CTNNBL1: variants seen among roughly 807,000 people sequenced by gnomAD.
The protein encoded by CTNNBL1 is catenin beta like 1.
Under a neutral mutation model 72.7 loss-of-function variants are expected in CTNNBL1, and 31 were observed. The ratio of observed to expected loss-of-function variants is 0.43; its 90% confidence interval spans 0.32 to 0.58. CTNNBL1 has a LOEUF of 0.58. Ranked by LOEUF, CTNNBL1 falls within the 20% of genes least tolerant of loss-of-function variation. The pLI is 0.08. For missense variants in CTNNBL1, 534 were observed against 725.1 expected (o/e 0.74, Z 3.03); for synonymous variants, 240 against 267.3 (o/e 0.90, Z 1.00).
chr20:37,817,835 G>A (rs2072073420), intron 11 of CTNNBL1, among the ~76,000 whole-genome samples: 1 of 152,236 alleles, frequency 6.6e-6, no homozygotes, highest in Non-Finnish European at 1.5e-5. Flanking sequence ...GTGGCATGTA[G>A]TAGATGCTTA....
chr20:37,720,205 T>C (rs2073028003), intron 1 of CTNNBL1, among the ~76,000 whole-genome samples: 1 of 152,058 alleles, frequency 6.6e-6, no homozygotes, highest in African/African-American at 2.4e-5. Context: ...TTTTTTTGTA[T>C]TTTTAGTAGA....
chr20:37,760,526 T>G (rs2073407161), intron 5 of CTNNBL1, among the ~76,000 whole-genome samples: 1 of 152,252 alleles, frequency 6.6e-6, no homozygotes, highest in Non-Finnish European at 1.5e-5. Context: ...GTTTATAAGT[T>G]TGTCCTTCCT....
intron 13 of CTNNBL1, among the ~76,000 whole-genome samples, chr20:37,852,743 G>A (rs757347827): frequency 6.6e-6 from 1 of 152,112 alleles, no homozygotes; most frequent in Non-Finnish European, 1.5e-5. Context: ...GCTTCGCCTC[G>A]GCTTCACGAC....
chr20:37,826,362 C>T (rs1415792999), intron 11 of CTNNBL1, among the ~76,000 whole-genome samples: 1 of 152,206 alleles, frequency 6.6e-6, no homozygotes, highest in African/African-American at 2.4e-5. Flanking sequence ...TAACCAAAGG[C>T]AACAGCTATC....
At chr20:37,725,974 G>A (rs2073080930) in intron 1 of CTNNBL1, among the ~76,000 whole-genome samples, 1 of 151,964 alleles carries the variant, frequency 6.6e-6, no homozygotes, top group Admixed American at 6.6e-5. Flanking sequence ...ACAGAGTGAG[G>A]CTCCGTCTCA....
intron 11 of CTNNBL1, among the ~76,000 whole-genome samples, chr20:37,813,380 G>A (rs932348128): frequency 6.6e-6 from 1 of 152,224 alleles, no homozygotes; most frequent in Non-Finnish European, 1.5e-5. Context: ...AGCCATTGCT[G>A]TTAGGCTAGT....
At chr20:37,871,802 T>TG in intron 15 of CTNNBL1, 123 bp from the exon 16 acceptor site, 1 of 773,252 alleles carries the variant, frequency 1.3e-6, no homozygotes, top group Non-Finnish European at 2.2e-6. Flanking sequence ...TTGGCTACAG[T>TG]GGGGGCATTA....
chr20:37,779,359 T>G (rs1455244635), intron 10 of CTNNBL1, 24 bp downstream of exon 10: 19 of 1,607,426 alleles, frequency 1.2e-5, no homozygotes, highest in Non-Finnish European at 1.6e-5. Flanking sequence ...GCCCTAGTTC[T>G]CCCACCTTTT....
intron 5 of CTNNBL1, among the ~76,000 whole-genome samples, chr20:37,762,290 C>T (rs1236363727): frequency 6.6e-6 from 1 of 152,158 alleles, no homozygotes; most frequent in Non-Finnish European, 1.5e-5. Context: ...CCTGAAACTC[C>T]TAGTAGGCAG....
intron 10 of CTNNBL1, among the ~76,000 whole-genome samples, chr20:37,793,350 C>T (rs1168485719): frequency 2.6e-5 from 4 of 152,084 alleles, no homozygotes; most frequent in East Asian, 1.9e-4. Context: ...TTTGTTTAAT[C>T]GACCCTTTTA....
At chr20:37,860,067 C>T (rs945058231) in intron 14 of CTNNBL1, 31 bp downstream of exon 14, 3 of 1,609,262 alleles carry the variant, frequency 1.9e-6, no homozygotes, top group Non-Finnish European at 2.5e-6. Flanking sequence ...ATGGGCTTAT[C>T]CATCCCTGCC....
rs570524012 is a variant in CTNNBL1 at position 37,839,982 on chromosome 20, AATAGCAGC to A, written c.1214-118_1214-111del. 1.7e-3 allele frequency: 1,099 copies of A among 652,402 alleles called. 2 individuals carry two copies. The highest frequency in any genetic ancestry group is 2.4e-3 in the Non-Finnish European group (899 of 371,140). 40.4% of individuals were successfully genotyped at this position (652,402 alleles called of 1,614,324 possible). A position where few individuals can be genotyped will look rare whatever the true frequency, so the allele number is the denominator to read the frequency against. On this transcript the variant is annotated intron_variant, in intron 11 of 15. Coordinates refer to ENST00000361383, the MANE Select transcript of CTNNBL1 (RefSeq NM_030877.5). ...AATTTAGGTTCTTGTCTTATTAATC[AATAGCAGC>A]AGTCAGAAAGGCCTACTTATTCTGC...
Position 37,732,947 on chromosome 20 carries a change from T to C in CTNNBL1, c.99T>C (p.Thr33=). The C allele has an allele frequency of 3.1e-6, 5 of 1,613,972 alleles. No homozygotes were observed. Among genetic ancestry groups the C allele is most frequent in the Non-Finnish European group, 4.2e-6 (5 of 1,180,016 alleles). Residue 33 remains threonine (T), a synonymous_variant, in exon 2 of 16, where the codon ACT becomes ACC. Transcript: ENST00000361383. ...AGCAGAAGATGCGTCGGAAACAAACTGGTACTCGAGAACGCGGCCGCTATC... is the reference window on the plus strand; with the variant it reads ...AGCAGAAGATGCGTCGGAAACAAACCGGTACTCGAGAACGCGGCCGCTATC... ...EEEQKMRRKQ[T]GTRERGRYRE...
chr20:37,748,533 T>C (rs1020689545), intron 4 of CTNNBL1, among the ~76,000 whole-genome samples: 1 of 152,198 alleles, frequency 6.6e-6, no homozygotes. Flanking sequence ...GCTGTGCTGG[T>C]TGCTCAAGCA....
chr20:37,860,159 A>T lies in CTNNBL1; in HGVS notation c.1531-113A>T, dbSNP rs2072479491. On this transcript the variant is annotated intron_variant, in intron 14 of 15. Coordinates refer to ENST00000361383, the MANE Select transcript of CTNNBL1 (RefSeq NM_030877.5). Reference sequence around the variant, plus strand: ...CTCTCCTTGAATTCCTTTACTCTACATCAGCCTTTTGTTTCAGGGATGGGG... The same window carrying T: ...CTCTCCTTGAATTCCTTTACTCTACTTCAGCCTTTTGTTTCAGGGATGGGG... 6.8e-6 allele frequency: 10 copies of T among 1,477,826 alleles called. 1 individual carries two copies. In the South Asian group the frequency reaches 1.2e-4, roughly 17 times the overall value. The allele number at this position is 1,477,826 out of a possible 1,614,324, so 91.5% of individuals were successfully genotyped here.
chr20:37,860,388 T>A, intron 15 of CTNNBL1, 44 bp downstream of exon 15: 4 of 1,436,130 alleles, frequency 2.8e-6, no homozygotes, highest in Non-Finnish European at 3.9e-6. Context: ...GAGGATTAGA[T>A]GATGCTTACT....
At chr20:37,860,436 G>T in intron 15 of CTNNBL1, 92 bp downstream of exon 15, 1 of 1,059,562 alleles carries the variant, frequency 9.4e-7, no homozygotes, top group South Asian at 1.3e-5. Context: ...ATTTGATGTG[G>T]AGCGTTTTCT....
intron 10 of CTNNBL1, among the ~76,000 whole-genome samples, chr20:37,788,646 A>C (rs1306826891): frequency 6.6e-6 from 1 of 152,258 alleles, no homozygotes; most frequent in African/African-American, 2.4e-5. Flanking sequence ...TCAGAACAGA[A>C]GCTGCATAAG....
Position 37,776,311 on chromosome 20 carries a change from G to A in CTNNBL1, c.751-1034G>A, listed in dbSNP as rs114595086. On this transcript the variant is annotated intron_variant, in intron 7 of 15. Transcript: ENST00000361383. Reference sequence around the variant, plus strand: ...GTGCACAGAAAACTGAAATGATACTGAATATTGCTTGATTAGGTACAACTC... The same window carrying A: ...GTGCACAGAAAACTGAAATGATACTAAATATTGCTTGATTAGGTACAACTC... Among the ~76,000 whole-genome samples the A allele has an allele frequency of 3.2e-3, 494 of 152,272 alleles. 7 individuals are homozygous for A. The highest frequency in any genetic ancestry group is 0.011 in the African/African-American group (446 of 41,546).
Sources: gnomAD v4.1 joint callset for allele counts (sites outside exome capture counted in the v4.1 genomes callset) on GRCh38, gnomAD v4.1.1 for gene constraint, MANE v1.5 for transcripts, NCBI Gene and HGNC (gene_info 2026-07-23, HGNC 2026-07-21) for gene names.